THOC3: variants seen among roughly 807,000 people sequenced by gnomAD.
THOC3 encodes TEX1 homolog.
THOC3 carries 4 observed loss-of-function variants against 23.3 expected under a neutral mutation model. The ratio of observed to expected loss-of-function variants is 0.17; its 90% CI spans 0.08 to 0.39. THOC3 has a LOEUF of 0.39. THOC3 is among the 10% of genes least tolerant of loss of function. THOC3 has a pLI of 1.00. For synonymous variants in THOC3, 27 were observed against 141.5 expected (o/e 0.19, Z 5.74); for missense variants, 64 against 359.4 (o/e 0.18, Z 6.65).
rs756360138 is a variant in THOC3 at position 175,967,558 on chromosome 5, T to TACCACC, written c.268-297_268-292dup. 218 of 265,048 alleles carry TACCACC rather than the reference T, an allele frequency of 8.2e-4. 10 individuals carry two copies. The highest frequency in any genetic ancestry group is 2.1e-3 in the East Asian group (32 of 15,174). The allele number at this position is 265,048 out of a possible 1,614,324, so 16.4% of individuals were successfully genotyped here. ...TACCACCAACGTACCACCACCAACGTACCACCACCACCACCACCACCACCA... is the reference window on the plus strand; with the variant it reads ...TACCACCAACGTACCACCACCAACGTACCACCACCACCACCACCACCACCACCACCA... On this transcript the variant is annotated intron_variant, in intron 1 of 5. Coordinates refer to ENST00000265097, the MANE Select transcript of THOC3 (RefSeq NM_032361.4).
chr5:175,965,978 G>C (rs1400574878), intron 2 of THOC3, among the ~76,000 whole-genome samples: 3 of 152,260 alleles, frequency 2.0e-5, no homozygotes, highest in African/African-American at 7.2e-5. Flanking sequence ...GATCACTTGA[G>C]TCCAGGAGTT....
chr5:175,965,425 TAGG>T (rs1756746419), intron 2 of THOC3, among the ~76,000 whole-genome samples: 1 of 152,222 alleles, frequency 6.6e-6, no homozygotes, highest in African/African-American at 2.4e-5. Context: ...ATGAAGGAAA[TAGG>T]AGATAAGACG....
At chr5:175,961,851 T>C (rs1245881092) in intron 3 of THOC3, among the ~76,000 whole-genome samples, 3 of 152,142 alleles carry the variant, frequency 2.0e-5, no homozygotes, top group Non-Finnish European at 4.4e-5. Flanking sequence ...AATAACGTTT[T>C]ATAAAATCTG....
At chr5:175,961,835 A>T (rs1756664743) in intron 3 of THOC3, among the ~76,000 whole-genome samples, 1 of 152,148 alleles carries the variant, frequency 6.6e-6, no homozygotes, top group Admixed American at 6.5e-5. Context: ...TACAAACAAT[A>T]AGCACAATAA....
At chr5:175,962,937 CA>C (rs1259465013) in intron 3 of THOC3, among the ~76,000 whole-genome samples, 9 of 151,812 alleles carry the variant, frequency 5.9e-5, no homozygotes, top group Non-Finnish European at 1.3e-4. Flanking sequence ...GGGATTATGT[CA>C]AAAAAGGTCT....
At chr5:175,964,185 T>A (rs1306138099) in intron 3 of THOC3, among the ~76,000 whole-genome samples, 2 of 152,192 alleles carry the variant, frequency 1.3e-5, no homozygotes, top group Admixed American at 6.5e-5. Context: ...GCAAACACCA[T>A]CCCTACCATC....
intron 2 of THOC3, among the ~76,000 whole-genome samples, chr5:175,965,637 G>A (rs1756750872): frequency 6.6e-6 from 1 of 152,220 alleles, no homozygotes; most frequent in African/African-American, 2.4e-5. Context: ...GTGTTAGCCA[G>A]GATGGTCTCG....
rs1171604860 is a variant in THOC3 at position 175,965,139 on chromosome 5, G to A, written c.441C>T (p.Ile147=). The change falls in exon 3 of 6, where the codon ATC becomes ATT. Residue 147 remains isoleucine (I), a synonymous_variant. Coordinates refer to ENST00000265097, the MANE Select transcript of THOC3 (RefSeq NM_032361.4). Reference sequence around the variant, plus strand: ...TGGTCTGCCCATCAGGACTCCAGCAGATATTAATGTTCTCCCCTGGGAACC... The same window carrying A: ...TGGTCTGCCCATCAGGACTCCAGCAAATATTAATGTTCTCCCCTGGGAACC... ...TVNTKGENIN[I]CWSPDGQTIA... 1 of 1,549,720 alleles carries A rather than the reference G, an allele frequency of 6.5e-7. No homozygotes were observed. The highest frequency in any genetic ancestry group is 1.4e-5 in the African/African-American group (1 of 72,204).
chr5:175,967,541 A>C lies in THOC3; in HGVS notation c.268-274T>G, dbSNP rs1323252543. The C allele has an allele frequency of 1.9e-4, 45 of 242,570 alleles. 4 individuals carry two copies. The highest frequency in any genetic ancestry group is 1.1e-3 in the Middle Eastern group (1 of 874). 15.0% of individuals were successfully genotyped at this position (242,570 alleles called of 1,614,324 possible). On this transcript the variant is annotated intron_variant, in intron 1 of 5. Coordinates refer to ENST00000265097, the MANE Select transcript of THOC3 (RefSeq NM_032361.4). ...TTACTCTACCACCAACGTACCACCAACGTACCACCACCAACGTACCACCAC... is the reference window on the plus strand; with the variant it reads ...TTACTCTACCACCAACGTACCACCACCGTACCACCACCAACGTACCACCAC...
At chr5:175,961,681 A>G (rs1756661787) in intron 3 of THOC3, among the ~76,000 whole-genome samples, 1 of 152,220 alleles carries the variant, frequency 6.6e-6, no homozygotes, top group Non-Finnish European at 1.5e-5. Context: ...ACTTTAAAGA[A>G]AAAGAAAATT....
intron 3 of THOC3, among the ~76,000 whole-genome samples, chr5:175,963,518 G>A (rs1281916253): frequency 7.6e-6 from 1 of 131,654 alleles, no homozygotes; most frequent in Non-Finnish European, 1.6e-5. Context: ...ATGGACTTCT[G>A]GGATGGCTGG....
intron 3 of THOC3, among the ~76,000 whole-genome samples, chr5:175,963,337 T>G (rs1427193694): frequency 2.0e-5 from 3 of 152,200 alleles, no homozygotes; most frequent in Non-Finnish European, 4.4e-5. Flanking sequence ...AAGTTTCTTT[T>G]GAGTAATTTA....
At chr5:175,965,627 G>A (rs1249391833) in intron 2 of THOC3, among the ~76,000 whole-genome samples, 8 of 152,170 alleles carry the variant, frequency 5.3e-5, no homozygotes, top group African/African-American at 9.7e-5. Context: ...GGGTTTCACC[G>A]TGTTAGCCAG....
intron 3 of THOC3, among the ~76,000 whole-genome samples, chr5:175,962,511 T>G (rs1415203547): frequency 8.9e-6 from 1 of 112,216 alleles, no homozygotes; most frequent in African/African-American, 4.4e-5. Context: ...AGTAAAAGAA[T>G]GTAAGGCTCC....
At chr5:175,962,068 G>A (rs1200627653) in intron 3 of THOC3, among the ~76,000 whole-genome samples, 1 of 151,968 alleles carries the variant, frequency 6.6e-6, no homozygotes, top group African/African-American at 2.4e-5. Context: ...TGTAACATCT[G>A]CACATGCTTA....
At chr5:175,964,203 TCA>T (rs1402526712) in intron 3 of THOC3, among the ~76,000 whole-genome samples, 1 of 152,242 alleles carries the variant, frequency 6.6e-6, no homozygotes, top group Non-Finnish European at 1.5e-5. Context: ...ATCAAGGAAT[TCA>T]CAGTCTAACA....
At chr5:175,965,287 G>C (rs1186569834) in intron 2 of THOC3, 132 bp from the exon 3 acceptor site, 7 of 1,425,118 alleles carry the variant, frequency 4.9e-6, no homozygotes, top group Non-Finnish European at 4.7e-6. Context: ...CAATGGAAGG[G>C]AGCTACCACT....
In THOC3 at chr5:175,962,421, TACACAC is replaced by T. The variant is rs59077860; in HGVS notation, c.630-993_630-988del. Among the ~76,000 whole-genome samples the T allele has an allele frequency of 2.0e-4, 9 of 44,192 alleles. 1 individual carries two copies. Among genetic ancestry groups the T allele is most frequent in the Non-Finnish European group, 4.7e-4 (9 of 19,256 alleles). The allele number at this position is 44,192 out of a possible 152,430, so 29.0% of individuals were successfully genotyped here. A position where few individuals can be genotyped will look rare whatever the true frequency, so the allele number is the denominator to read the frequency against. On this transcript the variant is annotated intron_variant, in intron 3 of 5. Transcript: ENST00000265097. ...TTTTATCTTTAAATATATATATATATACACACACACACACACACACACGTAATTCCT... is the reference window on the plus strand; with the variant it reads ...TTTTATCTTTAAATATATATATATATACACACACACACACACGTAATTCCT...
At chr5:175,963,279 G>A (rs1401056372) in intron 3 of THOC3, among the ~76,000 whole-genome samples, 1 of 152,150 alleles carries the variant, frequency 6.6e-6, no homozygotes, top group African/African-American at 2.4e-5. Flanking sequence ...CAAACTGGGA[G>A]AATCTCCACA....
Sources: gnomAD v4.1 joint callset for allele counts (sites outside exome capture counted in the v4.1 genomes callset) on GRCh38, gnomAD v4.1.1 for gene constraint, MANE v1.5 for transcripts, NCBI Gene and HGNC (gene_info 2026-07-23, HGNC 2026-07-21) for gene names.